Variants in DAPK2 observed in about 807,000 individuals in gnomAD.
DAPK2 encodes death-associated protein kinase 2.
In DAPK2, 35 loss-of-function variants were observed where a neutral mutation model predicts 44.1. The observed-to-expected ratio is 0.79, with a 90% CI of 0.61 to 1.05. The LOEUF (loss-of-function observed/expected upper bound fraction) is 1.05, where lower values mean the gene tolerates loss of function less well. Ranked by LOEUF, DAPK2 falls within the 50% of genes least tolerant of loss-of-function variation. The pLI is 0.00. For missense variants in DAPK2, 453 were observed against 483.2 expected (o/e 0.94, Z 0.59); for synonymous variants, 174 against 182.6 (o/e 0.95, Z 0.38).
intron 1 of DAPK2, among the ~76,000 whole-genome samples, chr15:64,007,256 T>A (rs529141328): frequency 6.6e-6 from 1 of 152,082 alleles, no homozygotes; most frequent in South Asian, 2.1e-4. Flanking sequence ...CGCACCACCA[T>A]GCCCAGCCAA....
chr15:64,005,035 C>T (rs1377104084), intron 1 of DAPK2, among the ~76,000 whole-genome samples: 2 of 152,156 alleles, frequency 1.3e-5, no homozygotes, highest in Non-Finnish European at 2.9e-5. Context: ...AGCCGAGAGA[C>T]CCCACTTCCC....
chr15:63,982,208 T>TTC (rs2078535693), intron 2 of DAPK2, among the ~76,000 whole-genome samples: 1 of 150,226 alleles, frequency 6.7e-6, no homozygotes. Flanking sequence ...TTTTTTTTTT[T>TTC]CCGAGATGGA....
intron 8 of DAPK2, chr15:63,919,093 G>T (rs2079004891): frequency 6.6e-6 from 1 of 152,236 alleles, no homozygotes; most frequent in Non-Finnish European, 1.5e-5. Context: ...CCCAGCATCA[G>T]GTTCCAATGC....
chr15:63,922,100 A>G (rs777956524), intron 8 of DAPK2: 3 of 175,756 alleles, frequency 1.7e-5, no homozygotes, highest in Non-Finnish European at 3.3e-5. Flanking sequence ...TGACTATATC[A>G]TTTTCCCTCT....
intron 1 of DAPK2, among the ~76,000 whole-genome samples, chr15:64,031,646 G>A (rs2080019851): frequency 6.6e-6 from 1 of 152,244 alleles, no homozygotes; most frequent in African/African-American, 2.4e-5. Context: ...GGGTAGTGAA[G>A]AGGGCTTTGC....
At chr15:63,924,851 T>C (rs2079194235) in exon 8 of DAPK2, 1 of 1,614,080 alleles carries the variant, frequency 6.2e-7, no homozygotes, top group Admixed American at 1.7e-5. Context: ...TCTTGGATTG[T>C]GAGCCGTTTC....
chr15:63,929,504 C>A (rs1054150419), intron 6 of DAPK2, 47 bp downstream of exon 7: 4 of 1,609,220 alleles, frequency 2.5e-6, no homozygotes, highest in African/African-American at 1.3e-5. Context: ...CCTTCTGGTT[C>A]CCCCAGATCT....
At chr15:64,009,239 T>C (rs1043877204) in intron 1 of DAPK2, among the ~76,000 whole-genome samples, 14 of 152,126 alleles carry the variant, frequency 9.2e-5, no homozygotes, top group African/African-American at 3.4e-4. Flanking sequence ...CTTGGGCTAG[T>C]ATCTCTTCAT....
intron 1 of DAPK2, among the ~76,000 whole-genome samples, chr15:64,023,013 T>C (rs2079737089): frequency 1.3e-5 from 2 of 152,224 alleles, no homozygotes; most frequent in Admixed American, 6.5e-5. Context: ...AGACTCACTG[T>C]AGGTACCAGT....
At chr15:63,924,947 T>C (rs2079197838) in intron 7 of DAPK2, 86 bp from the exon 9 acceptor site, 11 of 1,473,372 alleles carry the variant, frequency 7.5e-6, no homozygotes, top group South Asian at 1.2e-5. Flanking sequence ...TTTAGACCTA[T>C]ATTTTGGCAT....
chr15:63,948,602 C>A (rs767781846), intron 3 of DAPK2, among the ~76,000 whole-genome samples: 1 of 152,144 alleles, frequency 6.6e-6, no homozygotes, highest in Non-Finnish European at 1.5e-5. Context: ...CAATTCAACA[C>A]GAGATTTAGG....
intron 1 of DAPK2, among the ~76,000 whole-genome samples, chr15:64,015,410 G>A (rs898668314): frequency 3.3e-5 from 5 of 152,224 alleles, no homozygotes; most frequent in African/African-American, 1.2e-4. Context: ...TATAGGCAGA[G>A]TAGAGGCAGC....
At chr15:63,994,802 C>T (rs575022377) in intron 1 of DAPK2, among the ~76,000 whole-genome samples, 1 of 152,066 alleles carries the variant, frequency 6.6e-6, no homozygotes, top group East Asian at 1.9e-4. Context: ...ATTGGCCAGG[C>T]TGGTTTCGAA....
chr15:63,912,215 G>A lies in DAPK2; in HGVS notation c.859-18C>T. On this transcript the variant is annotated intron_variant, in intron 8 of 10. Coordinates refer to ENST00000261891, the Ensembl canonical transcript of DAPK2. The surrounding 1 kb of genome is among the most constrained non-coding windows in gnomAD (Gnocchi z 4.4). ...TCCACCGGCTGAGAGACAAAGCAGA[G>A]CATGGCAGCTGATGCTGGGCTTCAG... 1 of 1,613,104 alleles carries A rather than the reference G, an allele frequency of 6.2e-7. No homozygotes were observed. Among genetic ancestry groups the A allele is most frequent in the Non-Finnish European group, 8.5e-7 (1 of 1,179,466 alleles).
intron 1 of DAPK2, among the ~76,000 whole-genome samples, chr15:63,986,244 G>C (rs2078665511): frequency 6.6e-6 from 1 of 152,224 alleles, no homozygotes; most frequent in African/African-American, 2.4e-5. Context: ...TCTGAACATA[G>C]ATTTGCTCAT....
At chr15:64,023,137 G>T (rs12442060) in intron 1 of DAPK2, among the ~76,000 whole-genome samples, 5 of 151,960 alleles carry the variant, frequency 3.3e-5, no homozygotes, top group Non-Finnish European at 5.9e-5. Context: ...GGGGCGATGT[G>T]GAGGAGGGTG....
intron 8 of DAPK2, chr15:63,922,756 A>G (rs2079112966): frequency 6.6e-7 from 1 of 1,520,120 alleles, no homozygotes; most frequent in East Asian, 2.5e-5. Context: ...AGCCTGCCAG[A>G]AATTCCTCAG....
At chr15:63,930,757 C>A (rs1208735100) in intron 4 of DAPK2, among the ~76,000 whole-genome samples, 1 of 152,128 alleles carries the variant, frequency 6.6e-6, no homozygotes, top group East Asian at 1.9e-4. Context: ...GGGACTAGTA[C>A]CCTTATAAAG....
At chr15:63,952,307 C>CT (rs1428162370) in intron 3 of DAPK2, among the ~76,000 whole-genome samples, 11 of 152,256 alleles carry the variant, frequency 7.2e-5, no homozygotes, top group Middle Eastern at 6.8e-3. Context: ...CTTAGTTACG[C>CT]TTTTCAGAGG....
Sources: gnomAD v4.1 joint callset for allele counts (sites outside exome capture counted in the v4.1 genomes callset) on GRCh38, gnomAD v4.1.1 for gene constraint, Gnocchi (gnomAD v3.1) non-coding constraint, MANE v1.5 for transcripts, NCBI Gene and HGNC (gene_info 2026-07-23, HGNC 2026-07-21) for gene names.